SEC22A: variants seen among roughly 807,000 people sequenced by gnomAD.
The protein encoded by SEC22A is SEC22 homolog A, vesicle trafficking protein, also known as vesicle-trafficking protein SEC22a.
SEC22A carries 22 observed loss-of-function variants against 35.3 expected under a neutral mutation model. That is an observed-to-expected ratio of 0.62 (90% CI 0.45 to 0.89). The LOEUF (loss-of-function observed/expected upper bound fraction) is 0.89. Among genes scored for constraint, SEC22A ranks in the 40% least tolerant of loss-of-function variants. The pLI is 0.00. For missense variants in SEC22A, 354 were observed against 362.5 expected (o/e 0.98, Z 0.19); for synonymous variants, 119 against 129.5 (o/e 0.92, Z 0.55).
At position 123,255,923 on chromosome 3, in the gene SEC22A, T is replaced by G. The variant is rs560546510; in HGVS notation, c.658-3601T>G. Among the ~76,000 whole-genome samples, 37 of 89,638 alleles carry G rather than the reference T, an allele frequency of 4.1e-4. No individual in the cohort carries two copies. In the South Asian group the frequency reaches 9.3e-3, roughly 23 times the overall value. 58.8% of individuals were successfully genotyped at this position (89,638 alleles called of 152,430 possible). A position where few individuals can be genotyped will look rare whatever the true frequency, so the allele number is the denominator to read the frequency against. Reference sequence around the variant, plus strand: ...ACCTACCATTTTACTTTCTTCTTTCTTTTTTTTTTTTTACTGAGTCATTTC... The same window carrying G: ...ACCTACCATTTTACTTTCTTCTTTCGTTTTTTTTTTTTACTGAGTCATTTC... On this transcript the variant is annotated intron_variant, in intron 5 of 6. Transcript: ENST00000492595.
intron 5 of SEC22A, among the ~76,000 whole-genome samples, chr3:123,255,345 C>T (rs1194058642): frequency 2.0e-5 from 3 of 152,134 alleles, no homozygotes; most frequent in African/African-American, 7.2e-5. Context: ...TCTTCCTCCA[C>T]CTGTCCTTTA....
intron 6 of SEC22A, among the ~76,000 whole-genome samples, chr3:123,270,915 T>C (rs748453154): frequency 2.0e-5 from 3 of 152,240 alleles, no homozygotes; most frequent in Non-Finnish European, 2.9e-5. Flanking sequence ...TAAAATTTAA[T>C]ATTTATATGA....
chr3:123,254,588 C>T (rs184819958), intron 5 of SEC22A, among the ~76,000 whole-genome samples: 1 of 152,270 alleles, frequency 6.6e-6, no homozygotes, highest in Admixed American at 6.5e-5. Flanking sequence ...TGGTTCCCTA[C>T]TGGCTCGTTT....
rs533386545 is a variant in SEC22A at position 123,260,131 on chromosome 3, C to CAAAAAAAAAAAAAAAA, written c.723+565_723+580dup. On this transcript the variant is annotated intron_variant, in intron 6 of 6. Coordinates refer to ENST00000492595, the MANE Select transcript of SEC22A (RefSeq NM_012430.5). Reference sequence around the variant, plus strand: ...TGGGCAACAGAGCGAGACTACATCTCAAAAAAAAAAAAAAAAAAAAAAAAA... The same window carrying CAAAAAAAAAAAAAAAA: ...TGGGCAACAGAGCGAGACTACATCTCAAAAAAAAAAAAAAAAAAAAAAAAAAAAAAAAAAAAAAAAA... Among the ~76,000 whole-genome samples the CAAAAAAAAAAAAAAAA allele has an allele frequency of 5.6e-4, 28 of 49,784 alleles. 3 individuals carry two copies. The highest frequency in any genetic ancestry group is 7.7e-4 in the Non-Finnish European group (24 of 31,072). The allele number at this position is 49,784 out of a possible 152,430, so 32.7% of individuals were successfully genotyped here. A position where few individuals can be genotyped will look rare whatever the true frequency, so the allele number is the denominator to read the frequency against.
At chr3:123,217,314 C>A (rs912347911) in intron 2 of SEC22A, among the ~76,000 whole-genome samples, 1 of 152,076 alleles carries the variant, frequency 6.6e-6, no homozygotes, top group South Asian at 2.1e-4. Flanking sequence ...TCTCCTGCCT[C>A]AGCCTCCTGA....
Position 123,262,326 on chromosome 3 carries a change from A to G in SEC22A, c.723+2737A>G, listed in dbSNP as rs187491378. Among the ~76,000 whole-genome samples, 47 of 152,310 alleles carry G rather than the reference A, an allele frequency of 3.1e-4. No individual in the cohort carries two copies. The East Asian group carries it at 3.7e-3, about 12-fold the overall frequency. On this transcript the variant is annotated intron_variant, in intron 6 of 6. Transcript: ENST00000492595. ...AAACTAGAGACTTCCTGTTCCCTCA[A>G]TGTTTTACTTTGAAAACTTGAAACT...
rs190581220 is a variant in SEC22A at position 123,265,831 on chromosome 3, T to C, written c.724-5691T>C. 3.3e-3 allele frequency among the ~76,000 whole-genome samples: 502 copies of C among 152,328 alleles called. 1 individual carries two copies. Among genetic ancestry groups the C allele is most frequent in the Admixed American group, 6.4e-3 (98 of 15,302 alleles). ...CTCCATTAAATTGCTTTTGCACCTT[T>C]GTAAAAAATCAGCTGGACATACTTG... On this transcript the variant is annotated intron_variant, in intron 6 of 6. Transcript: ENST00000492595.
chr3:123,228,301 C>CA (rs1214716044), intron 4 of SEC22A, among the ~76,000 whole-genome samples: 1 of 150,818 alleles, frequency 6.6e-6, no homozygotes, highest in African/African-American at 2.4e-5. Context: ...TGTGGAGGCT[C>CA]ACACCTATAA....
intron 2 of SEC22A, among the ~76,000 whole-genome samples, chr3:123,221,193 G>T (rs889213811): frequency 6.6e-6 from 1 of 151,524 alleles, no homozygotes; most frequent in Non-Finnish European, 1.5e-5. Flanking sequence ...TGTGTAGGCC[G>T]GGCGTGGTGA....
chr3:123,245,551 T>C (rs1402899982), intron 4 of SEC22A, among the ~76,000 whole-genome samples: 1 of 151,936 alleles, frequency 6.6e-6, no homozygotes, highest in Non-Finnish European at 1.5e-5. Flanking sequence ...AAGAAAAAAT[T>C]AGCCAGGCAT....
At chr3:123,258,222 AG>A (rs1937787219) in intron 5 of SEC22A, among the ~76,000 whole-genome samples, 1 of 152,144 alleles carries the variant, frequency 6.6e-6, no homozygotes, top group African/African-American at 2.4e-5. Flanking sequence ...AGTATATAAA[AG>A]TATCAATCTA....
intron 4 of SEC22A, among the ~76,000 whole-genome samples, chr3:123,235,215 C>T (rs114158246): frequency 0.013 from 1,915 of 152,110 alleles, 40 homozygotes; most frequent in African/African-American, 0.045. Context: ...CTTTGTTCTT[C>T]GAACGACACT....
chr3:123,229,405 A>G (rs931470809), intron 4 of SEC22A, among the ~76,000 whole-genome samples: 2 of 152,246 alleles, frequency 1.3e-5, no homozygotes, highest in African/African-American at 4.8e-5. Flanking sequence ...CAATGGAATG[A>G]CATACAAATT....
chr3:123,252,636 T>G (rs954793038), intron 5 of SEC22A, among the ~76,000 whole-genome samples: 1 of 152,246 alleles, frequency 6.6e-6, no homozygotes, highest in Non-Finnish European at 1.5e-5. Flanking sequence ...TGAAAATGAC[T>G]GCTACATTTA....
intron 4 of SEC22A, among the ~76,000 whole-genome samples, chr3:123,235,577 C>T (rs1283998364): frequency 3.9e-5 from 6 of 152,112 alleles, no homozygotes; most frequent in Admixed American, 2.0e-4. Flanking sequence ...CATACTTTGC[C>T]AGTGGGGTTG....
At chr3:123,233,296 C>G (rs531696164) in intron 4 of SEC22A, among the ~76,000 whole-genome samples, 1 of 152,080 alleles carries the variant, frequency 6.6e-6, no homozygotes, top group Non-Finnish European at 1.5e-5. Context: ...GTAGCCAGTA[C>G]GATAACATGC....
At chr3:123,224,992 A>T in intron 3 of SEC22A, 111 bp from the exon 4 acceptor site, 1 of 696,954 alleles carries the variant, frequency 1.4e-6, no homozygotes, top group South Asian at 2.2e-5. Flanking sequence ...TGACGAATTG[A>T]ACAATTTTGA....
intron 4 of SEC22A, among the ~76,000 whole-genome samples, chr3:123,239,125 A>T (rs1937480089): frequency 6.6e-6 from 1 of 152,092 alleles, no homozygotes; most frequent in African/African-American, 2.4e-5. Context: ...GTTTTAAAGT[A>T]TATGTTTCAT....
chr3:123,266,516 C>T (rs562004713), intron 6 of SEC22A, among the ~76,000 whole-genome samples: 2 of 152,132 alleles, frequency 1.3e-5, no homozygotes, highest in East Asian at 3.9e-4. Context: ...TTTAAAATTT[C>T]CTTAAGACTT....
Sources: gnomAD v4.1 joint callset for allele counts (sites outside exome capture counted in the v4.1 genomes callset) on GRCh38, gnomAD v4.1.1 for gene constraint, MANE v1.5 for transcripts, NCBI Gene and HGNC (gene_info 2026-07-23, HGNC 2026-07-21) for gene names.